Variants in ATXN1 observed in about 807,000 individuals in gnomAD.
ATXN1 encodes ataxin 1.
A neutral mutation model predicts 56.4 loss-of-function variants in ATXN1; 8 were observed. The ratio of observed to expected loss-of-function variants is 0.14; its 90% CI spans 0.08 to 0.26. The LOEUF is 0.26. Among genes scored for constraint, ATXN1 ranks in the 10% least tolerant of loss-of-function variants. ATXN1 has a pLI of 1.00. For synonymous variants in ATXN1, 514 were observed against 494.6 expected (o/e 1.04, Z -0.52); for missense variants, 987 against 1,106.5 (o/e 0.89, Z 1.53).
chr6:16,576,335 A>T (rs914246238), intron 4 of ATXN1, among the ~76,000 whole-genome samples: 11 of 152,114 alleles, frequency 7.2e-5, no homozygotes, highest in African/African-American at 2.7e-4. Flanking sequence ...GTCCTCAGGA[A>T]TAATAAACAA....
At chr6:16,444,011 G>C (rs967593729) in intron 6 of ATXN1, among the ~76,000 whole-genome samples, 7 of 152,032 alleles carry the variant, frequency 4.6e-5, no homozygotes, top group Non-Finnish European at 1.0e-4. Flanking sequence ...AGCTACTCGG[G>C]AGGCTGAGGC....
chr6:16,563,345 A>G (rs1323601213), intron 4 of ATXN1, among the ~76,000 whole-genome samples: 4 of 152,156 alleles, frequency 2.6e-5, no homozygotes, highest in Non-Finnish European at 5.9e-5. Flanking sequence ...GGGGGCCTCT[A>G]AGCAGCTGTG....
chr6:16,353,192 C>T (rs1270483888), intron 6 of ATXN1, among the ~76,000 whole-genome samples: 1 of 152,094 alleles, frequency 6.6e-6, no homozygotes, highest in East Asian at 1.9e-4. Context: ...CTGCGGATAA[C>T]GGGGGACGTC....
chr6:16,531,554 T>C (rs1761503830), intron 4 of ATXN1, among the ~76,000 whole-genome samples: 2 of 146,484 alleles, frequency 1.4e-5, no homozygotes, highest in Non-Finnish European at 3.0e-5. Flanking sequence ...ACCTGGGATG[T>C]GGAGGTTGCA....
At chr6:16,535,716 G>A (rs1561744061) in intron 4 of ATXN1, among the ~76,000 whole-genome samples, 1 of 152,190 alleles carries the variant, frequency 6.6e-6, no homozygotes. Flanking sequence ...TCCTTCCAAC[G>A]AGTAGTACAG....
rs879687965 is a variant in ATXN1, at chr6:16,300,671, A to AT, written c.*5657dup. The stretch of plus-strand genomic sequence containing the variant: ...GTGTGGGGGGAAAGAAGGTGAAATA[A>AT]TTTTTTTTTTTGTCCCCATAATGAG... On this transcript the variant is annotated 3_prime_UTR_variant, in exon 8 of 8. Transcript: ENST00000436367. 2.5e-3 allele frequency: 377 copies of AT among 148,412 alleles called. 1 individual carries two copies. The highest frequency in any genetic ancestry group is 5.5e-3 in the African/African-American group (222 of 40,510). 9.2% of individuals were successfully genotyped at this position (148,412 alleles called of 1,614,324 possible). A position where few individuals can be genotyped will look rare whatever the true frequency, so the allele number is the denominator to read the frequency against.
intron 6 of ATXN1, among the ~76,000 whole-genome samples, chr6:16,337,852 G>C (rs916551361): frequency 1.3e-4 from 20 of 152,122 alleles, no homozygotes; most frequent in African/African-American, 4.8e-4. Context: ...CTTATTTCAA[G>C]GACTGATGCA....
chr6:16,697,712 C>G (rs1759193257), intron 2 of ATXN1, among the ~76,000 whole-genome samples: 1 of 151,450 alleles, frequency 6.6e-6, no homozygotes, highest in Non-Finnish European at 1.5e-5. Context: ...GAACAGTCTG[C>G]CTTTTCAAAG....
At chr6:16,492,513 T>A (rs1265155336) in intron 5 of ATXN1, among the ~76,000 whole-genome samples, 3 of 150,088 alleles carry the variant, frequency 2.0e-5, no homozygotes, top group African/African-American at 7.3e-5. Flanking sequence ...TTGTAGTTTG[T>A]CATACAGCAA....
At chr6:16,750,913 T>G (rs1760696995) in intron 2 of ATXN1, among the ~76,000 whole-genome samples, 1 of 151,704 alleles carries the variant, frequency 6.6e-6, no homozygotes, top group African/African-American at 2.4e-5. Context: ...ATGAGTATCA[T>G]CCCTAAGAGA....
intron 6 of ATXN1, among the ~76,000 whole-genome samples, chr6:16,435,487 C>G (rs1759370801): frequency 6.6e-6 from 1 of 151,914 alleles, no homozygotes; most frequent in Non-Finnish European, 1.5e-5. Flanking sequence ...GATGATGGCA[C>G]CCGAAGACAG....
At chr6:16,753,038 T>C (rs746304887) in intron 2 of ATXN1, 195 bp downstream of exon 2, 4 of 346,276 alleles carry the variant, frequency 1.2e-5, no homozygotes, top group African/African-American at 2.1e-5. Context: ...TTAAACCAAA[T>C]AGATAGATAC....
Position 16,303,413 on chromosome 6 carries a change from T to G in ATXN1, c.*2916A>C, listed in dbSNP as rs933554475. The G allele has an allele frequency of 1.3e-5, 2 of 152,334 alleles. No individual in the cohort carries two copies. Among genetic ancestry groups the G allele is most frequent in the African/African-American group, 2.4e-5 (1 of 41,386 alleles). The allele number at this position is 152,334 out of a possible 1,614,324, so 9.4% of individuals were successfully genotyped here. On this transcript the variant is annotated 3_prime_UTR_variant, in exon 8 of 8. Coordinates refer to ENST00000436367, the MANE Select transcript of ATXN1 (RefSeq NM_001128164.2). This position sits in a 1 kb window ranked among gnomAD's most constrained non-coding sequence, Gnocchi z 4.3. Reference sequence around the variant, plus strand: ...CCGCAGCAGGGGAAAGGTGGGAGGCTCTCTCCCTCCTGGCTCCTTCCCTCC... The same window carrying G: ...CCGCAGCAGGGGAAAGGTGGGAGGCGCTCTCCCTCCTGGCTCCTTCCCTCC...
intron 6 of ATXN1, among the ~76,000 whole-genome samples, chr6:16,417,607 T>G (rs1267333313): frequency 6.6e-6 from 1 of 151,848 alleles, no homozygotes; most frequent in Non-Finnish European, 1.5e-5. Context: ...CCTGGCTAAT[T>G]TTTTGTATAT....
intron 5 of ATXN1, among the ~76,000 whole-genome samples, chr6:16,504,133 A>G (rs916947719): frequency 1.3e-5 from 2 of 152,172 alleles, no homozygotes; most frequent in African/African-American, 4.8e-5. Context: ...TGTGGTTGAG[A>G]CATGTGGTCA....
intron 3 of ATXN1, among the ~76,000 whole-genome samples, chr6:16,646,415 A>G (rs1763798958): frequency 6.6e-6 from 1 of 152,242 alleles, no homozygotes; most frequent in African/African-American, 2.4e-5. Context: ...AGTTGTAATC[A>G]GAGCTAATTT....
intron 4 of ATXN1, among the ~76,000 whole-genome samples, chr6:16,547,222 C>A (rs1223195364): frequency 6.6e-6 from 1 of 152,194 alleles, no homozygotes; most frequent in Non-Finnish European, 1.5e-5. Flanking sequence ...AATTGCACTC[C>A]TTTTCCTTCC....
intron 2 of ATXN1, among the ~76,000 whole-genome samples, chr6:16,744,515 C>A (rs1268702406): frequency 6.6e-6 from 1 of 152,106 alleles, no homozygotes. Flanking sequence ...CAGGACAGGG[C>A]TCCCTGAGAA....
intron 3 of ATXN1, among the ~76,000 whole-genome samples, chr6:16,606,867 T>TTGTGTGTGTGTGTGTGTGTGTG (rs759331296): frequency 0.052 from 6,551 of 126,704 alleles, 282 homozygotes; most frequent in African/African-American, 0.059. Context: ...GTTCCATGAG[T>TTGTGTGTGTGTGTGTGTGTGTG]TGTGTGTGTG....
Sources: gnomAD v4.1 joint callset for allele counts (sites outside exome capture counted in the v4.1 genomes callset) on GRCh38, gnomAD v4.1.1 for gene constraint, Gnocchi (gnomAD v3.1) non-coding constraint, MANE v1.5 for transcripts, NCBI Gene and HGNC (gene_info 2026-07-23, HGNC 2026-07-21) for gene names.